SLC35F5: variants seen among roughly 807,000 people sequenced by gnomAD.
SLC35F5 encodes HCV NS5A-transactivated protein 3.
In SLC35F5, 54 loss-of-function variants were observed where a neutral mutation model predicts 68.6. The observed-to-expected ratio is 0.79, with a 90% CI of 0.63 to 0.99. The LOEUF is 0.99. Among genes scored for constraint, SLC35F5 ranks in the 50% least tolerant of loss-of-function variants. SLC35F5 has a pLI of 0.00. For missense variants in SLC35F5, 567 were observed against 626.9 expected (o/e 0.90, Z 1.02); for synonymous variants, 211 against 205.2 (o/e 1.03, Z -0.24).
chr2:113,756,249 A>C, intron 1 of SLC35F5, 121 bp downstream of exon 1: 4 of 1,536,956 alleles, frequency 2.6e-6, no homozygotes, highest in Non-Finnish European at 3.5e-6. Context: ...GCCCCTAGAG[A>C]CCTTCACGGT....
rs1364461615 is a variant in SLC35F5, at chr2:113,714,879, G to A, written c.*339C>T. On this transcript the variant is annotated 3_prime_UTR_variant, in exon 16 of 16. Coordinates refer to ENST00000245680, the MANE Select transcript of SLC35F5 (RefSeq NM_025181.5). ...TAATATATTCCAGCATTTAACATGT[G>A]AAAATAAAGTCCCAGAACATTAGGA... 6.6e-6 allele frequency: 1 copy of A among 152,498 alleles called. No individual in the cohort carries two copies. Among genetic ancestry groups the A allele is most frequent in the African/African-American group, 2.4e-5 (1 of 41,416 alleles). 9.4% of individuals were successfully genotyped at this position (152,498 alleles called of 1,614,324 possible).
At chr2:113,742,605 A>T in intron 7 of SLC35F5, 87 bp downstream of exon 7, 1 of 1,328,688 alleles carries the variant, frequency 7.5e-7, no homozygotes, top group Non-Finnish European at 1.1e-6. Context: ...TAATTGTCTC[A>T]CACTTCAATC....
downstream of SLC35F5, chr2:113,705,282 G>C (rs370741778): frequency 6.6e-6 from 1 of 152,362 alleles, no homozygotes; most frequent in South Asian, 2.1e-4. Context: ...GGCCGGGCGC[G>C]GTGGCTCACG....
At chr2:113,748,786 TA>T (rs1676618904) in intron 4 of SLC35F5, among the ~76,000 whole-genome samples, 1 of 152,018 alleles carries the variant, frequency 6.6e-6, no homozygotes, top group African/African-American at 2.4e-5. Context: ...CACCTACATT[TA>T]AAAAATTGTT....
rs991349580 is a variant in SLC35F5, at chr2:113,709,315, A to G, written c.*5903T>C. On this transcript the variant is annotated 3_prime_UTR_variant, in exon 16 of 16. Transcript: ENST00000245680. ...TACCACTCTTTACAAAGCACTAAGC[A>G]CACACAGGTGTTTGGCATTGTCTCT... 3.3e-5 allele frequency among the ~76,000 whole-genome samples: 5 copies of G among 152,242 alleles called. No homozygotes were observed. The highest frequency in any genetic ancestry group is 1.2e-4 in the African/African-American group (5 of 41,466).
chr2:113,752,991 A>G (rs1676805187), intron 3 of SLC35F5, among the ~76,000 whole-genome samples: 1 of 152,112 alleles, frequency 6.6e-6, no homozygotes, highest in Non-Finnish European at 1.5e-5. Context: ...TGCTCCAGGA[A>G]AAAAAGTTTT....
chr2:113,746,879 A>G (rs1200443355), intron 4 of SLC35F5, among the ~76,000 whole-genome samples: 1 of 151,468 alleles, frequency 6.6e-6, no homozygotes, highest in Admixed American at 6.6e-5. Flanking sequence ...GTGAGCCAAG[A>G]TTGTGCCATT....
At chr2:113,704,712 C>T (rs924277213), downstream of SLC35F5, among the ~76,000 whole-genome samples, 1 of 151,852 alleles carries the variant, frequency 6.6e-6, no homozygotes. Flanking sequence ...CGGGGCCCGC[C>T]GAGCCCACAC....
rs750217904 is a variant in SLC35F5 at position 113,742,789 on chromosome 2, A to G, written c.653T>C (p.Met218Thr). ...SHALEAKLSR[M>T]SYPVKEQESI... ...TTCTTGTTCTTTCACAGGATATGACATGCGAGACAACTTTGCTTCCAATGC... is the reference window on the plus strand; with the variant it reads ...TTCTTGTTCTTTCACAGGATATGACGTGCGAGACAACTTTGCTTCCAATGC... The change falls in exon 7 of 16, where the codon ATG becomes ACG. Residue 218 changes from methionine to threonine, a missense_variant. By Grantham distance (81) the Met-to-Thr change is moderately conservative. Transcript: ENST00000245680. 1 of 1,614,180 alleles carries G rather than the reference A, an allele frequency of 6.2e-7. No individual in the cohort carries two copies. The highest frequency in any genetic ancestry group is 1.7e-5 in the Admixed American group (1 of 60,024).
chr2:113,704,226 TC>T (rs1161375374), downstream of SLC35F5: 1 of 152,296 alleles, frequency 6.6e-6, no homozygotes, highest in Non-Finnish European at 1.5e-5. Context: ...CCCACCCACA[TC>T]CTCTGATTGG....
At position 113,706,746 on chromosome 2, in the gene SLC35F5, A is replaced by G. The variant is rs1047687202; in HGVS notation, c.*8472T>C. Among the ~76,000 whole-genome samples the G allele has an allele frequency of 2.0e-5, 3 of 152,206 alleles. No homozygotes were observed. The highest frequency in any genetic ancestry group is 4.8e-5 in the African/African-American group (2 of 41,448). ...TGAGTGAAAATGTTTTAATAAAAGG[A>G]AACTAGAAATCAAATATTTGTATAA... is the stretch of plus-strand genomic sequence containing the variant. On this transcript the variant is annotated 3_prime_UTR_variant, in exon 16 of 16. Coordinates refer to ENST00000245680, the MANE Select transcript of SLC35F5 (RefSeq NM_025181.5).
At chr2:113,719,865 A>T (rs1687356277) in intron 13 of SLC35F5, among the ~76,000 whole-genome samples, 1 of 152,076 alleles carries the variant, frequency 6.6e-6, no homozygotes. Context: ...TGAAATAATG[A>T]CCAAATAAAA....
rs760293118 is a variant in SLC35F5 at position 113,742,857 on chromosome 2, C to T, written c.585G>A (p.Arg195=). The T allele has an allele frequency of 1.2e-6, 2 of 1,613,694 alleles. No homozygotes were observed. Among genetic ancestry groups the T allele is most frequent in the South Asian group, 2.2e-5 (2 of 91,052 alleles). Residue 195 remains arginine, a synonymous_variant, in exon 7 of 16, where the codon AGG becomes AGA. Transcript: ENST00000245680. ...TEKTPKKSRV[R]FSNIMEIRQL... ...GTCGAATCTCCATGATATTACTGAA[C>T]CTCACACGAGACTTTTTGGGGGCTT...
intron 1 of SLC35F5, 157 bp downstream of exon 1, chr2:113,756,213 C>A (rs1221585337): frequency 4.0e-6 from 6 of 1,504,858 alleles, no homozygotes; most frequent in Middle Eastern, 1.8e-4. Context: ...AGGGCTCCGG[C>A]GCCCCTGTCA....
intron 9 of SLC35F5, 102 bp from the exon 10 acceptor site, chr2:113,731,750 G>T: frequency 1.2e-6 from 1 of 843,876 alleles, no homozygotes; most frequent in Non-Finnish European, 1.9e-6. Context: ...TCTCAACTTT[G>T]GGTAAAACTA....
rs765726843 is a variant in SLC35F5 at position 113,735,788 on chromosome 2, G to A, written c.821C>T (p.Ser274Phe). ...GACAAATTTCTTACCGGAAGTTGAA[G>A]ATAAAATATTAACTATAGCAACTTG... Reference protein sequence around the residue: ...DTQVAIVNILSSTSGLFTLIL... With the variant: ...DTQVAIVNILFSTSGLFTLIL... Residue 274 changes from serine to phenylalanine, a missense_variant, in exon 8 of 16, where the codon TCT (serine) becomes TTT (phenylalanine). Ser to Phe is a radical substitution (Grantham distance 155, BLOSUM62 -2). Coordinates refer to ENST00000245680, the MANE Select transcript of SLC35F5 (RefSeq NM_025181.5). The A allele has an allele frequency of 1.2e-6, 2 of 1,601,234 alleles. No homozygotes were observed. Among genetic ancestry groups the A allele is most frequent in the South Asian group, 2.3e-5 (2 of 88,118 alleles).
intron 9 of SLC35F5, 35 bp downstream of exon 9, chr2:113,734,551 A>G: frequency 8.4e-7 from 1 of 1,194,252 alleles, no homozygotes; most frequent in Non-Finnish European, 1.2e-6. Context: ...TGTATTTTTA[A>G]GCAGAGCAAA....
chr2:113,742,200 A>C (rs556383487), intron 7 of SLC35F5: 2 of 153,440 alleles, frequency 1.3e-5, no homozygotes, highest in Non-Finnish European at 2.9e-5. Flanking sequence ...AGAAACTATA[A>C]ATAATACAAC....
intron 7 of SLC35F5, 139 bp downstream of exon 7, chr2:113,742,553 C>T: frequency 1.3e-6 from 1 of 780,800 alleles, no homozygotes; most frequent in Non-Finnish European, 2.0e-6. Context: ...TAACTTCCTA[C>T]CGGTATCAAA....
Sources: gnomAD v4.1 joint callset for allele counts (sites outside exome capture counted in the v4.1 genomes callset) on GRCh38, gnomAD v4.1.1 for gene constraint, MANE v1.5 for transcripts, NCBI Gene and HGNC (gene_info 2026-07-23, HGNC 2026-07-21) for gene names.